Variants in SLC9D1 observed in about 807,000 individuals in gnomAD.
SLC9D1 encodes the protein putative LAG1-interacting protein.
the SLC9D1 span, among the ~76,000 whole-genome samples, chr13:113,500,829 G>A: frequency 6.6e-6 from 1 of 152,206 alleles, no homozygotes; most frequent in Non-Finnish European, 1.5e-5. Flanking sequence ...CAGGCGAGAG[G>A]AAGAGGACTA....
chr13:113,498,355 A>G, the SLC9D1 span: 1 of 1,555,298 alleles, frequency 6.4e-7, no homozygotes, highest in Non-Finnish European at 8.6e-7. Flanking sequence ...GAAACAGAAT[A>G]TATGGAACTT....
At chr13:113,494,753 C>T in the SLC9D1 span, among the ~76,000 whole-genome samples, 7 of 152,152 alleles carry the variant, frequency 4.6e-5, no homozygotes, top group South Asian at 1.2e-3. Context: ...TTTTAAGAAG[C>T]CTGCAGAGCT....
the SLC9D1 span, among the ~76,000 whole-genome samples, chr13:113,499,457 C>T: frequency 1.3e-5 from 2 of 152,100 alleles, no homozygotes; most frequent in Non-Finnish European, 2.9e-5. Context: ...ACACCTGTAA[C>T]AGGGGAACAT....
At chr13:113,513,320 ACC>A in the SLC9D1 span, among the ~76,000 whole-genome samples, 1 of 152,168 alleles carries the variant, frequency 6.6e-6, no homozygotes, top group Non-Finnish European at 1.5e-5. Flanking sequence ...AGCACCGCCC[ACC>A]CAGCAGTCCC....
chr13:113,534,850 G>A, the SLC9D1 span: 2 of 152,068 alleles, frequency 1.3e-5, no homozygotes, highest in Non-Finnish European at 2.9e-5. Context: ...GGGAGGCTGA[G>A]GCGGGTGGAT....
chr13:113,502,435 G>A, the SLC9D1 span, among the ~76,000 whole-genome samples: 147 of 152,192 alleles, frequency 9.7e-4, no homozygotes, highest in African/African-American at 3.5e-3. Context: ...GACTGGTCTT[G>A]AACTCCTGAC....
the SLC9D1 span, among the ~76,000 whole-genome samples, chr13:113,502,158 A>G: frequency 0.11 from 17,121 of 152,216 alleles, 1,313 homozygotes; most frequent in Admixed American, 0.24. Context: ...GGTTATTCAG[A>G]CCACCTTTCA....
the SLC9D1 span, among the ~76,000 whole-genome samples, chr13:113,502,090 C>T: frequency 2.0e-5 from 3 of 152,214 alleles, no homozygotes; most frequent in South Asian, 2.1e-4. Context: ...CTGGAGACAA[C>T]GCCCCTGCTC....
chr13:113,510,768 C>A, the SLC9D1 span, among the ~76,000 whole-genome samples: 12 of 152,240 alleles, frequency 7.9e-5, no homozygotes, highest in African/African-American at 1.7e-4. Flanking sequence ...TGTTTTGCTG[C>A]TTTAATTCTA....
At chr13:113,519,995 G>T in the SLC9D1 span, among the ~76,000 whole-genome samples, 2 of 152,228 alleles carry the variant, frequency 1.3e-5, no homozygotes, top group African/African-American at 4.8e-5. Context: ...TTTCTGGGAC[G>T]CAGTGAAATT....
the SLC9D1 span, chr13:113,495,991 A>AGC: frequency 2.5e-6 from 4 of 1,612,938 alleles, no homozygotes; most frequent in Non-Finnish European, 3.4e-6. Context: ...AGCAGCCGGC[A>AGC]GCGCCTGGAG....
At chr13:113,499,889 T>A in the SLC9D1 span, 1 of 904,532 alleles carries the variant, frequency 1.1e-6, no homozygotes, top group East Asian at 3.0e-5. Context: ...TTCTTCTGTT[T>A]AGCGTTCATT....
At chr13:113,549,485 A>T in the SLC9D1 span, 1 of 1,614,024 alleles carries the variant, frequency 6.2e-7, no homozygotes, top group African/African-American at 1.3e-5. Context: ...GGTGCTGTGG[A>T]GAGCTGCAAT....
At chr13:113,522,450 C>T in the SLC9D1 span, among the ~76,000 whole-genome samples, 2 of 152,218 alleles carry the variant, frequency 1.3e-5, no homozygotes. Context: ...ACGCCATTCT[C>T]CTGCCTCAGC....
At chr13:113,512,919 A>G in the SLC9D1 span, among the ~76,000 whole-genome samples, 1 of 148,888 alleles carries the variant, frequency 6.7e-6, no homozygotes, top group Non-Finnish European at 1.5e-5. Flanking sequence ...AGGGGCCAGA[A>G]TGTAGATGGA....
the SLC9D1 span, among the ~76,000 whole-genome samples, chr13:113,515,544 A>G: frequency 2.6e-5 from 4 of 152,122 alleles, no homozygotes; most frequent in Non-Finnish European, 4.4e-5. Flanking sequence ...TGTTCATGAC[A>G]TGCTTTGTAC....
At chr13:113,493,588 A>G in the SLC9D1 span, among the ~76,000 whole-genome samples, 1 of 152,068 alleles carries the variant, frequency 6.6e-6, no homozygotes, top group Non-Finnish European at 1.5e-5. Flanking sequence ...TTAAAGTTGT[A>G]TTGAAACTAA....
At chr13:113,522,863 A>T in the SLC9D1 span, among the ~76,000 whole-genome samples, 1 of 143,878 alleles carries the variant, frequency 7.0e-6, no homozygotes, top group South Asian at 2.2e-4. Flanking sequence ...AACTCCCGAC[A>T]TTGTGATCTG....
At chr13:113,506,453 GT>G in the SLC9D1 span, among the ~76,000 whole-genome samples, 1 of 147,738 alleles carries the variant, frequency 6.8e-6, no homozygotes, top group African/African-American at 2.5e-5. Context: ...GTTATAGGGG[GT>G]TTGGGGATGT....
Sources: gnomAD v4.1 joint callset for allele counts (sites outside exome capture counted in the v4.1 genomes callset) on GRCh38, gnomAD v4.1.1 for gene constraint, MANE v1.5 for transcripts, NCBI Gene and HGNC (gene_info 2026-07-23, HGNC 2026-07-21) for gene names.